The following MAP4K4 variants were observed in gnomAD, a reference collection of about 807,000 sequenced individuals.
MAP4K4 encodes HPK/GCK-like kinase HGK.
In MAP4K4, 38 loss-of-function variants were observed where a neutral mutation model predicts 189.6. The ratio of observed to expected loss-of-function variants is 0.20; its 90% confidence interval spans 0.15 to 0.26. The LOEUF (loss-of-function observed/expected upper bound fraction) is 0.26, where lower values mean the gene tolerates loss of function less well. Among genes scored for constraint, MAP4K4 ranks in the 10% least tolerant of loss-of-function variants. The pLI, the probability that MAP4K4 is intolerant of heterozygous loss-of-function variation, is 1.00. For synonymous variants in MAP4K4, 610 were observed against 624.3 expected (o/e 0.98, Z 0.34); for missense variants, 1,054 against 1,726.9 (o/e 0.61, Z 6.91).
intron 2 of MAP4K4, among the ~76,000 whole-genome samples, chr2:101,745,006 C>T (rs765468164): frequency 6.6e-6 from 1 of 152,108 alleles, no homozygotes; most frequent in African/African-American, 2.4e-5. Flanking sequence ...GTTGATGGTG[C>T]AGCATCACCT....
At chr2:101,756,729 A>ATTTTTTTTTTT (rs34314872) in intron 2 of MAP4K4, among the ~76,000 whole-genome samples, 1 of 125,040 alleles carries the variant, frequency 8.0e-6, no homozygotes, top group Non-Finnish European at 1.7e-5. Flanking sequence ...TAATTTTTGT[A>ATTTTTTTTTTT]TTTTTTTTTT....
At chr2:101,792,647 A>G (rs539246148) in intron 3 of MAP4K4, among the ~76,000 whole-genome samples, 1 of 136,356 alleles carries the variant, frequency 7.3e-6, no homozygotes, top group East Asian at 2.0e-4. Flanking sequence ...TCTTCTTCTT[A>G]TTTTTTGAGA....
At chr2:101,772,279 G>A (rs547085941) in intron 2 of MAP4K4, among the ~76,000 whole-genome samples, 2 of 152,304 alleles carry the variant, frequency 1.3e-5, no homozygotes, top group South Asian at 4.1e-4. Context: ...GTCTCCCCAG[G>A]TGTCCCCCAT....
intron 12 of MAP4K4, among the ~76,000 whole-genome samples, chr2:101,846,867 A>G (rs1413336430): frequency 6.6e-6 from 1 of 152,200 alleles, no homozygotes; most frequent in Non-Finnish European, 1.5e-5. Flanking sequence ...AGCTTTATTT[A>G]CACTCCAGGT....
intron 5 of MAP4K4, among the ~76,000 whole-genome samples, chr2:101,827,810 A>G (rs899549754): frequency 1.3e-5 from 2 of 152,172 alleles, no homozygotes; most frequent in African/African-American, 4.8e-5. Context: ...CTGTATGACA[A>G]CCTTTGCCTG....
intron 2 of MAP4K4, among the ~76,000 whole-genome samples, chr2:101,721,603 T>G (rs1378534606): frequency 2.6e-5 from 4 of 152,004 alleles, no homozygotes; most frequent in Non-Finnish European, 5.9e-5. Context: ...GCCTGGCTAA[T>G]TTTTGTATTT....
chr2:101,719,398 A>G (rs1432493210), intron 2 of MAP4K4, among the ~76,000 whole-genome samples: 2 of 152,358 alleles, frequency 1.3e-5, no homozygotes, highest in Middle Eastern at 6.8e-3. Context: ...GGTGGCTCAC[A>G]GAGTTGGTCA....
At chr2:101,766,428 C>T (rs2078650231) in intron 2 of MAP4K4, among the ~76,000 whole-genome samples, 1 of 152,080 alleles carries the variant, frequency 6.6e-6, no homozygotes, top group South Asian at 2.1e-4. Context: ...TGTGGGAGGA[C>T]TCTGGAGACC....
chr2:101,699,965 A>G (rs1055615661), intron 2 of MAP4K4, among the ~76,000 whole-genome samples: 3 of 152,342 alleles, frequency 2.0e-5, no homozygotes, highest in Admixed American at 2.0e-4. Flanking sequence ...GTAACTGGCT[A>G]AAAGACATTC....
At chr2:101,887,439 T>A (rs1376456255) in intron 30 of MAP4K4, among the ~76,000 whole-genome samples, 2 of 152,220 alleles carry the variant, frequency 1.3e-5, no homozygotes, top group African/African-American at 2.4e-5. Flanking sequence ...TGTGGAGCCC[T>A]TGTGAAAACC....
intron 3 of MAP4K4, among the ~76,000 whole-genome samples, chr2:101,796,222 T>G (rs140594758): frequency 4.3e-4 from 66 of 152,312 alleles, no homozygotes; most frequent in Admixed American, 1.0e-3. Flanking sequence ...CAGGGGATTC[T>G]CAAAATGTAG....
At chr2:101,831,669 G>A in intron 6 of MAP4K4, 52 bp from the exon 7 acceptor site, 1 of 1,550,250 alleles carries the variant, frequency 6.5e-7, no homozygotes, top group Non-Finnish European at 8.7e-7. Context: ...AAGTATATCT[G>A]GTTTGTAGTT....
intron 2 of MAP4K4, among the ~76,000 whole-genome samples, chr2:101,740,804 G>A (rs2062400722): frequency 6.6e-6 from 1 of 152,138 alleles, no homozygotes; most frequent in African/African-American, 2.4e-5. Flanking sequence ...AAGGAAACAT[G>A]TCTGTTGAGA....
At chr2:101,796,952 T>C (rs1021552934) in intron 3 of MAP4K4, among the ~76,000 whole-genome samples, 1 of 152,216 alleles carries the variant, frequency 6.6e-6, no homozygotes, top group African/African-American at 2.4e-5. Flanking sequence ...TACAAGAAGC[T>C]AAGCAATATA....
chr2:101,829,167 G>A (rs1052391628), intron 5 of MAP4K4, among the ~76,000 whole-genome samples: 4 of 152,166 alleles, frequency 2.6e-5, no homozygotes, highest in Non-Finnish European at 4.4e-5. Flanking sequence ...GACATTTAGC[G>A]TGGGAAAGGA....
intron 2 of MAP4K4, among the ~76,000 whole-genome samples, chr2:101,711,454 C>T (rs1161740145): frequency 6.6e-6 from 1 of 152,000 alleles, no homozygotes; most frequent in Non-Finnish European, 1.5e-5. Flanking sequence ...GGGTTTTCAC[C>T]GTGTTGATGA....
At chr2:101,883,636 A>G (rs987892204) in intron 28 of MAP4K4, among the ~76,000 whole-genome samples, 2 of 152,214 alleles carry the variant, frequency 1.3e-5, no homozygotes, top group Admixed American at 6.5e-5. Flanking sequence ...TTAAACAGGA[A>G]GTTTTTCTAT....
At chr2:101,860,050 C>T in intron 15 of MAP4K4, 186 bp downstream of exon 15, 1 of 640,742 alleles carries the variant, frequency 1.6e-6, no homozygotes, top group Non-Finnish European at 2.7e-6. Flanking sequence ...CATATTCAGT[C>T]AGTGCTTTTT....
intron 3 of MAP4K4, among the ~76,000 whole-genome samples, chr2:101,794,875 AGTATCCT>A (rs1257014088): frequency 6.6e-6 from 1 of 152,186 alleles, no homozygotes; most frequent in African/African-American, 2.4e-5. Context: ...TGTTTTGTAA[AGTATCCT>A]GTATTCTGGA....
Sources: gnomAD v4.1 joint callset for allele counts (sites outside exome capture counted in the v4.1 genomes callset) on GRCh38, gnomAD v4.1.1 for gene constraint, MANE v1.5 for transcripts, NCBI Gene and HGNC (gene_info 2026-07-23, HGNC 2026-07-21) for gene names.